The following PLS1 variants were observed in gnomAD, a reference collection of about 807,000 sequenced individuals.
The protein encoded by PLS1 is plastin-1.
A neutral mutation model predicts 73.7 loss-of-function variants in PLS1; 32 were observed. The observed-to-expected ratio is 0.43, with a 90% confidence interval of 0.33 to 0.58. PLS1 has a LOEUF of 0.58. PLS1 is among the 20% of genes least tolerant of loss of function. The probability of loss-of-function intolerance (pLI) is 0.04; values close to 1 mark genes in which losing one functional copy is unlikely to be tolerated. For missense variants in PLS1, 633 were observed against 740.5 expected, an observed-to-expected ratio of 0.85 and a Z score of 1.68; for synonymous variants, 217 against 261.3, an observed-to-expected ratio of 0.83 and a Z score of 1.63.
intron 1 of PLS1, among the ~76,000 whole-genome samples, chr3:142,603,354 G>C (rs2035959668): frequency 1.3e-5 from 2 of 152,176 alleles, no homozygotes; most frequent in South Asian, 2.1e-4. Context: ...TAAAACACTT[G>C]TTTCATCAGA....
chr3:142,708,939 A>C (rs998783975), intron 14 of PLS1, among the ~76,000 whole-genome samples: 6 of 152,330 alleles, frequency 3.9e-5, no homozygotes, highest in Admixed American at 6.5e-5. Context: ...ACGCAAGGTA[A>C]CTCATAAGAA....
At chr3:142,640,736 A>G (rs1308152176) in intron 1 of PLS1, among the ~76,000 whole-genome samples, 7 of 152,058 alleles carry the variant, frequency 4.6e-5, no homozygotes, top group Non-Finnish European at 1.0e-4. Flanking sequence ...GTGGTGTCTG[A>G]TGTGGATTTG....
At chr3:142,670,886 A>C (rs759910748) in intron 3 of PLS1, 107 bp from the exon 4 acceptor site, 6 of 687,630 alleles carry the variant, frequency 8.7e-6, no homozygotes, top group Non-Finnish European at 1.5e-5. Context: ...ACAACTGACT[A>C]GTATTTAATT....
At chr3:142,665,158 A>G (rs761716283) in intron 2 of PLS1, among the ~76,000 whole-genome samples, 1 of 152,002 alleles carries the variant, frequency 6.6e-6, no homozygotes, top group Non-Finnish European at 1.5e-5. Context: ...GGGAGGAGAA[A>G]ATGATCACCG....
At chr3:142,692,564 T>C (rs1224524247) in intron 10 of PLS1, among the ~76,000 whole-genome samples, 1 of 152,118 alleles carries the variant, frequency 6.6e-6, no homozygotes, top group Non-Finnish European at 1.5e-5. Context: ...ATTTATAAAA[T>C]CTATTTTACT....
At chr3:142,679,530 A>G (rs1055851451) in intron 6 of PLS1, among the ~76,000 whole-genome samples, 1 of 152,202 alleles carries the variant, frequency 6.6e-6, no homozygotes, top group Non-Finnish European at 1.5e-5. Flanking sequence ...TTAAATAGGG[A>G]ATCCTTTCCC....
At chr3:142,629,418 G>A (rs918034210) in intron 1 of PLS1, among the ~76,000 whole-genome samples, 13 of 152,220 alleles carry the variant, frequency 8.5e-5, no homozygotes, top group African/African-American at 3.1e-4. Flanking sequence ...GGCCAGGCTG[G>A]TCTCGAACTC....
intron 1 of PLS1, among the ~76,000 whole-genome samples, chr3:142,650,594 G>A (rs1299023002): frequency 6.6e-6 from 1 of 152,118 alleles, no homozygotes; most frequent in Non-Finnish European, 1.5e-5. Context: ...ACTGTGGCTG[G>A]GGAATATGAT....
chr3:142,710,216 G>A (rs1159175917), intron 14 of PLS1, among the ~76,000 whole-genome samples: 2 of 145,606 alleles, frequency 1.4e-5, no homozygotes, highest in Admixed American at 7.1e-5. Flanking sequence ...TAATGTGCCA[G>A]CTTCACCCTA....
chr3:142,647,740 G>A (rs1321684917), intron 1 of PLS1, among the ~76,000 whole-genome samples: 1 of 152,064 alleles, frequency 6.6e-6, no homozygotes, highest in Non-Finnish European at 1.5e-5. Flanking sequence ...CTGACCTCAT[G>A]CCTGTTCATT....
At chr3:142,626,914 G>A (rs2036442165) in intron 1 of PLS1, among the ~76,000 whole-genome samples, 1 of 152,176 alleles carries the variant, frequency 6.6e-6, no homozygotes, top group African/African-American at 2.4e-5. Context: ...AGTGAAAAAA[G>A]GAATGACAGT....
intron 14 of PLS1, 22 bp downstream of exon 14, chr3:142,704,608 AAT>A: frequency 7.2e-7 from 1 of 1,389,142 alleles, no homozygotes; most frequent in Non-Finnish European, 9.7e-7. Flanking sequence ...TCCTAAAAAA[AAT>A]TTTTTTTTGT....
At chr3:142,641,717 G>T (rs896352270) in intron 1 of PLS1, among the ~76,000 whole-genome samples, 1 of 152,024 alleles carries the variant, frequency 6.6e-6, no homozygotes, top group African/African-American at 2.4e-5. Flanking sequence ...GAGCACTTCT[G>T]CTTTTGCCTT....
chr3:142,658,049 T>G (rs1177382878), intron 1 of PLS1, among the ~76,000 whole-genome samples: 1 of 152,190 alleles, frequency 6.6e-6, no homozygotes, highest in Non-Finnish European at 1.5e-5. Context: ...AAGAATAATT[T>G]TTTATAATAT....
intron 2 of PLS1, among the ~76,000 whole-genome samples, chr3:142,665,087 C>T (rs145042116): frequency 6.6e-6 from 1 of 151,816 alleles, no homozygotes; most frequent in Admixed American, 6.6e-5. Flanking sequence ...GCCCCTTACT[C>T]ATCAAGCTCA....
chr3:142,645,114 T>A (rs1213104473), intron 1 of PLS1, among the ~76,000 whole-genome samples: 2 of 152,250 alleles, frequency 1.3e-5, no homozygotes, highest in South Asian at 4.1e-4. Flanking sequence ...TTGTATTCTT[T>A]AAGTAAATTG....
intron 14 of PLS1, 117 bp from the exon 15 acceptor site, chr3:142,711,384 T>G: frequency 1.5e-6 from 1 of 653,318 alleles, no homozygotes. Context: ...AGCTGAACGT[T>G]AGGTTAAGTA....
intron 1 of PLS1, among the ~76,000 whole-genome samples, chr3:142,604,646 G>A (rs1033400507): frequency 3.3e-5 from 5 of 152,096 alleles, no homozygotes; most frequent in African/African-American, 1.2e-4. Context: ...TTAAATTCAA[G>A]ATTATTGGCC....
intron 1 of PLS1, among the ~76,000 whole-genome samples, chr3:142,600,219 A>G (rs895353376): frequency 2.6e-5 from 4 of 152,172 alleles, no homozygotes; most frequent in Middle Eastern, 3.2e-3. Context: ...TTGAGTGTAC[A>G]CAGTGAGGAG....
Sources: gnomAD v4.1 joint callset for allele counts (sites outside exome capture counted in the v4.1 genomes callset) on GRCh38, gnomAD v4.1.1 for gene constraint, MANE v1.5 for transcripts, NCBI Gene and HGNC (gene_info 2026-07-23, HGNC 2026-07-21) for gene names.